NDST3: variants seen among roughly 807,000 people sequenced by gnomAD.
NDST3 encodes the protein N-deacetylase and N-sulfotransferase 3, also known as bifunctional heparan sulfate N-deacetylase/N-sulfotransferase 3.
A neutral mutation model predicts 96.1 loss-of-function variants in NDST3; 58 were observed. The ratio of observed to expected loss-of-function variants is 0.60; its 90% CI spans 0.49 to 0.75. The LOEUF (loss-of-function observed/expected upper bound fraction) is 0.75. Ranked by LOEUF, NDST3 falls within the 30% of genes least tolerant of loss-of-function variation. The pLI is 0.00. For synonymous variants in NDST3, 333 were observed against 359.7 expected (o/e 0.93, Z 0.84); for missense variants, 788 against 1,034.2 (o/e 0.76, Z 3.27).
chr4:118,089,910 C>A (rs1200600624), intron 2 of NDST3, among the ~76,000 whole-genome samples: 1 of 151,834 alleles, frequency 6.6e-6, no homozygotes, highest in African/African-American at 2.4e-5. Context: ...AAAGAAGAAG[C>A]CCATGTCAAG....
intron 2 of NDST3, among the ~76,000 whole-genome samples, chr4:118,066,203 T>A (rs28399774): frequency 0.76 from 52,496 of 69,202 alleles, 21,840 homozygotes; most frequent in South Asian, 0.94. Context: ...ATATTATATT[T>A]TATATATTAT....
chr4:118,227,737 G>A (rs1037096925), intron 8 of NDST3, among the ~76,000 whole-genome samples: 3 of 149,564 alleles, frequency 2.0e-5, no homozygotes, highest in Non-Finnish European at 3.0e-5. Context: ...TCAGCCTCCC[G>A]AGTAGCTGGG....
chr4:118,101,497 C>G (rs1729761210), intron 2 of NDST3, among the ~76,000 whole-genome samples: 1 of 151,984 alleles, frequency 6.6e-6, no homozygotes, highest in Non-Finnish European at 1.5e-5. Flanking sequence ...ACTATGTTCC[C>G]TTCTAACACT....
intron 5 of NDST3, 118 bp downstream of exon 5, chr4:118,138,357 G>A (rs1733294857): frequency 8.4e-6 from 7 of 834,966 alleles, no homozygotes; most frequent in Non-Finnish European, 1.2e-5. Flanking sequence ...CCATGCTGCA[G>A]GAAGCATATT....
chr4:118,164,776 CA>C (rs767619793), intron 6 of NDST3, among the ~76,000 whole-genome samples: 4 of 151,788 alleles, frequency 2.6e-5, no homozygotes, highest in Non-Finnish European at 5.9e-5. Flanking sequence ...AACTATATGA[CA>C]ATAATAAAAA....
At chr4:118,251,127 T>TTA (rs1553950436) in intron 12 of NDST3, among the ~76,000 whole-genome samples, 1 of 109,680 alleles carries the variant, frequency 9.1e-6, no homozygotes, top group Admixed American at 1.0e-4. Context: ...TTATTTTTAT[T>TTA]TTATTTTTTT....
intron 6 of NDST3, among the ~76,000 whole-genome samples, chr4:118,200,317 C>G (rs1028511647): frequency 6.6e-6 from 1 of 152,178 alleles, no homozygotes; most frequent in Non-Finnish European, 1.5e-5. Flanking sequence ...CGAGCCTCAC[C>G]TCATGGCCAC....
chr4:118,034,067 C>CT (rs2110413036), upstream of NDST3, among the ~76,000 whole-genome samples: 2 of 152,306 alleles, frequency 1.3e-5, no homozygotes, highest in South Asian at 4.1e-4. Context: ...ATTTAACCAG[C>CT]TTTTTTCTCC....
chr4:118,183,062 G>A (rs533149117), intron 6 of NDST3, among the ~76,000 whole-genome samples: 1 of 152,194 alleles, frequency 6.6e-6, no homozygotes, highest in Admixed American at 6.5e-5. Context: ...CCAGCAACTC[G>A]TACATACGGA....
intron 3 of NDST3, among the ~76,000 whole-genome samples, chr4:118,112,351 A>G (rs1730706672): frequency 1.3e-5 from 2 of 152,198 alleles, no homozygotes; most frequent in African/African-American, 4.8e-5. Flanking sequence ...AAGGAAAGAT[A>G]AGAATTATAG....
chr4:118,161,948 C>G (rs1489855470), intron 6 of NDST3, among the ~76,000 whole-genome samples: 1 of 152,142 alleles, frequency 6.6e-6, no homozygotes, highest in East Asian at 1.9e-4. Flanking sequence ...ATGCAGAAAT[C>G]ACCCGTCTTC....
intron 6 of NDST3, among the ~76,000 whole-genome samples, chr4:118,214,636 G>A (rs189739340): frequency 3.9e-5 from 6 of 152,212 alleles, no homozygotes; most frequent in African/African-American, 1.4e-4. Context: ...TCTGGAAGGA[G>A]GAAGACCAGT....
intron 11 of NDST3, 63 bp downstream of exon 11, chr4:118,240,757 G>T: frequency 6.9e-7 from 1 of 1,453,684 alleles, no homozygotes; most frequent in Non-Finnish European, 9.3e-7. Context: ...TTTGCCTTAA[G>T]GTTAAGAAAA....
intron 1 of NDST3, among the ~76,000 whole-genome samples, chr4:118,052,391 A>T (rs1163113699): frequency 3.3e-5 from 5 of 151,984 alleles, no homozygotes; most frequent in Non-Finnish European, 5.9e-5. Flanking sequence ...AGAGGGAGGA[A>T]GAAGGAAGGA....
At chr4:118,224,773 C>A (rs1447565219) in intron 7 of NDST3, 100 bp downstream of exon 7, 8 of 1,049,482 alleles carry the variant, frequency 7.6e-6, no homozygotes, top group Non-Finnish European at 1.1e-5. Flanking sequence ...AAAAAACCTG[C>A]ATTTTGGAAA....
chr4:118,119,403 G>A (rs1731368246), intron 4 of NDST3, among the ~76,000 whole-genome samples: 1 of 152,134 alleles, frequency 6.6e-6, no homozygotes, highest in Admixed American at 6.5e-5. Context: ...TTATTTCAGT[G>A]ATGCACTTTA....
chr4:118,153,759 G>A (rs1284167428), intron 6 of NDST3, among the ~76,000 whole-genome samples: 4 of 152,078 alleles, frequency 2.6e-5, no homozygotes, highest in Non-Finnish European at 5.9e-5. Context: ...GGGAGGCGGA[G>A]GTTGCAGTGA....
chr4:118,119,080 T>G (rs544613553), intron 4 of NDST3, among the ~76,000 whole-genome samples: 48 of 152,324 alleles, frequency 3.2e-4, no homozygotes, highest in African/African-American at 1.2e-3. Flanking sequence ...TAGAACAATG[T>G]TCCTGATAAC....
chr4:118,106,503 G>A (rs1221612491), intron 3 of NDST3, among the ~76,000 whole-genome samples: 2 of 151,508 alleles, frequency 1.3e-5, no homozygotes, highest in Non-Finnish European at 2.9e-5. Flanking sequence ...ATGCCACCAT[G>A]ACTGGCAAAT....
Sources: gnomAD v4.1 joint callset for allele counts (sites outside exome capture counted in the v4.1 genomes callset) on GRCh38, gnomAD v4.1.1 for gene constraint, MANE v1.5 for transcripts, NCBI Gene and HGNC (gene_info 2026-07-23, HGNC 2026-07-21) for gene names.